PLPPR1: variants seen among roughly 807,000 people sequenced by gnomAD.
PLPPR1 encodes phospholipid phosphatase related 1, also known as phospholipid phosphatase-related protein type 1.
PLPPR1 carries 10 observed loss-of-function variants against 33.1 expected under a neutral mutation model. The observed-to-expected ratio is 0.30, with a 90% CI of 0.19 to 0.51. The LOEUF (loss-of-function observed/expected upper bound fraction) is 0.51, where lower values mean the gene tolerates loss of function less well. Ranked by LOEUF, PLPPR1 falls within the 20% of genes least tolerant of loss-of-function variation. The pLI is 0.97. For synonymous variants in PLPPR1, 151 were observed against 151.0 expected, an observed-to-expected ratio of 1.00 and a Z score of 0.00; for missense variants, 304 against 408.1, an observed-to-expected ratio of 0.74 and a Z score of 2.20.
At chr9:101,256,531 G>A (rs1375329754) in intron 2 of PLPPR1, among the ~76,000 whole-genome samples, 3 of 152,128 alleles carry the variant, frequency 2.0e-5, no homozygotes, top group African/African-American at 4.8e-5. Flanking sequence ...TTGCTCCAAA[G>A]CAACCCAGAG....
intron 1 of PLPPR1, among the ~76,000 whole-genome samples, chr9:101,152,055 A>C (rs1340570609): frequency 2.0e-5 from 3 of 152,104 alleles, no homozygotes; most frequent in Non-Finnish European, 2.9e-5. Context: ...CCTCTCCAGC[A>C]CCTGTTGTTT....
At chr9:101,257,803 T>C (rs1053835673) in intron 2 of PLPPR1, among the ~76,000 whole-genome samples, 2 of 145,554 alleles carry the variant, frequency 1.4e-5, no homozygotes, top group African/African-American at 2.7e-5. Flanking sequence ...TTAGGCAAAC[T>C]TCTTTTGTTG....
At chr9:101,141,363 T>C (rs889654387) in intron 1 of PLPPR1, among the ~76,000 whole-genome samples, 2 of 152,170 alleles carry the variant, frequency 1.3e-5, no homozygotes, top group African/African-American at 4.8e-5. Flanking sequence ...GTCACTGGGG[T>C]AAGCATTTGA....
intron 1 of PLPPR1, among the ~76,000 whole-genome samples, chr9:101,173,413 C>T (rs373136265): frequency 7.9e-5 from 12 of 152,108 alleles, no homozygotes; most frequent in Admixed American, 6.6e-4. Context: ...TTCATGGGCT[C>T]TTAAATAGCT....
chr9:101,298,884 G>A (rs1463939421), intron 4 of PLPPR1, among the ~76,000 whole-genome samples: 2 of 152,200 alleles, frequency 1.3e-5, no homozygotes, highest in Non-Finnish European at 2.9e-5. Flanking sequence ...TAAATGGAGA[G>A]GAGAAGCTGT....
chr9:101,205,167 A>C (rs111225869), intron 2 of PLPPR1, among the ~76,000 whole-genome samples: 9 of 152,300 alleles, frequency 5.9e-5, no homozygotes, highest in African/African-American at 2.2e-4. Context: ...CCCTGAAGGC[A>C]TTAGAGCAGT....
At chr9:101,038,138 T>A (rs1234033093) in intron 1 of PLPPR1, among the ~76,000 whole-genome samples, 3 of 152,148 alleles carry the variant, frequency 2.0e-5, no homozygotes, top group Non-Finnish European at 4.4e-5. Context: ...ATTATTTTTA[T>A]AAAGGTAGGA....
chr9:101,136,572 T>C lies in PLPPR1; in HGVS notation c.-45-48878T>C, dbSNP rs560835688. On this transcript the variant is annotated intron_variant, in intron 1 of 7. Transcript: ENST00000374874. ...ATTGAATCTTTTACTCATAAATCTC[T>C]TCCTTTCTGTTCAATTTTTGGTCAA... Among the ~76,000 whole-genome samples, 163 of 152,360 alleles carry C rather than the reference T, an allele frequency of 1.1e-3. 1 individual carries two copies. The Middle Eastern group carries it at 0.014, about 13-fold the overall frequency.
At chr9:101,219,564 T>C (rs1192514261) in intron 2 of PLPPR1, among the ~76,000 whole-genome samples, 1 of 152,204 alleles carries the variant, frequency 6.6e-6, no homozygotes, top group Non-Finnish European at 1.5e-5. Context: ...TAAAACAATA[T>C]ATTACCTACA....
chr9:101,058,664 T>TATAAAC (rs1830307708), intron 1 of PLPPR1, among the ~76,000 whole-genome samples: 2 of 152,150 alleles, frequency 1.3e-5, no homozygotes, highest in African/African-American at 2.4e-5. Flanking sequence ...TAAATTATTT[T>TATAAAC]TTTCTAATTT....
intron 3 of PLPPR1, among the ~76,000 whole-genome samples, chr9:101,284,285 A>T (rs537825571): frequency 6.6e-6 from 1 of 152,158 alleles, no homozygotes; most frequent in African/African-American, 2.4e-5. Context: ...TAAAAAGGCA[A>T]TTCTGTCATT....
At chr9:101,281,424 T>A (rs114797827) in intron 3 of PLPPR1, among the ~76,000 whole-genome samples, 1,964 of 152,140 alleles carry the variant, frequency 0.013, 33 homozygotes, top group African/African-American at 0.042. Flanking sequence ...GACATTTATA[T>A]GACATCACAA....
chr9:101,272,240 A>G (rs12340306), intron 3 of PLPPR1, among the ~76,000 whole-genome samples: 1 of 151,596 alleles, frequency 6.6e-6, no homozygotes, highest in Non-Finnish European at 1.5e-5. Flanking sequence ...ATGCCAAAAT[A>G]TTTCTCAAAA....
At chr9:101,065,856 A>C (rs955109687) in intron 1 of PLPPR1, among the ~76,000 whole-genome samples, 1 of 152,102 alleles carries the variant, frequency 6.6e-6, no homozygotes, top group Non-Finnish European at 1.5e-5. Context: ...TTATTTTTAC[A>C]GAAAAGTTGC....
intron 1 of PLPPR1, among the ~76,000 whole-genome samples, chr9:101,116,372 T>C (rs1027262599): frequency 1.7e-4 from 26 of 152,340 alleles, no homozygotes; most frequent in Middle Eastern, 3.4e-3. Flanking sequence ...TATTCTAATT[T>C]TGTCCACATA....
At chr9:101,100,387 G>A (rs1475524878) in intron 1 of PLPPR1, among the ~76,000 whole-genome samples, 4 of 151,806 alleles carry the variant, frequency 2.6e-5, no homozygotes, top group African/African-American at 9.7e-5. Flanking sequence ...TAAGAATTAG[G>A]TTTTACCTTC....
intron 1 of PLPPR1, among the ~76,000 whole-genome samples, chr9:101,098,781 T>C (rs1274309938): frequency 6.6e-6 from 1 of 152,210 alleles, no homozygotes; most frequent in African/African-American, 2.4e-5. Context: ...AGTTCCATCC[T>C]GGCCATGCCA....
intron 1 of PLPPR1, among the ~76,000 whole-genome samples, chr9:101,051,971 T>C (rs555043184): frequency 5.3e-5 from 8 of 152,326 alleles, no homozygotes; most frequent in African/African-American, 1.9e-4. Context: ...AAGAATTCAA[T>C]GGTAGGTAAA....
intron 1 of PLPPR1, among the ~76,000 whole-genome samples, chr9:101,181,850 G>A (rs1167161967): frequency 7.0e-6 from 1 of 142,600 alleles, no homozygotes; most frequent in Non-Finnish European, 1.5e-5. Context: ...TAGTGTGCAT[G>A]TGTGTATATA....
Sources: allele counts gnomAD v4.1 joint callset (sites outside exome capture counted in the v4.1 genomes callset), GRCh38; gene constraint gnomAD v4.1.1; transcripts MANE v1.5; gene names NCBI Gene and HGNC (gene_info 2026-07-23, HGNC 2026-07-21).